SLC1A7: variants seen among roughly 807,000 people sequenced by gnomAD.
SLC1A7 encodes excitatory amino acid transporter 5.
A neutral mutation model predicts 47.7 loss-of-function variants in SLC1A7; 40 were observed. The ratio of observed to expected loss-of-function variants is 0.84; its 90% CI spans 0.65 to 1.09. The LOEUF is 1.09. Among genes scored for constraint, SLC1A7 ranks in the 50% least tolerant of loss-of-function variants. The pLI is 0.00. For synonymous variants in SLC1A7, 323 were observed against 325.6 expected (o/e 0.99, Z 0.09); for missense variants, 746 against 769.5 (o/e 0.97, Z 0.36).
intron 7 of SLC1A7, among the ~76,000 whole-genome samples, chr1:53,091,177 C>T (rs946209370): frequency 6.6e-6 from 1 of 152,262 alleles, no homozygotes; most frequent in Non-Finnish European, 1.5e-5. Flanking sequence ...TGTGCCTCAG[C>T]ATCTTTGTCC....
chr1:53,105,217 G>T (rs1051029013), intron 4 of SLC1A7, among the ~76,000 whole-genome samples: 1 of 152,092 alleles, frequency 6.6e-6, no homozygotes, highest in Non-Finnish European at 1.5e-5. Flanking sequence ...TATATTGTTT[G>T]GTATTTTCCT....
At chr1:53,114,647 A>G in intron 3 of SLC1A7, 111 bp downstream of exon 3, 1 of 887,214 alleles carries the variant, frequency 1.1e-6, no homozygotes, top group Non-Finnish European at 1.8e-6. Flanking sequence ...CAGGGTGATC[A>G]TGGACTCCGT....
chr1:53,099,822 A>G (rs995225038), intron 5 of SLC1A7, among the ~76,000 whole-genome samples: 21 of 151,408 alleles, frequency 1.4e-4, no homozygotes, highest in Admixed American at 6.6e-5. Flanking sequence ...CCACCTTGGT[A>G]CACTCACACA....
intron 8 of SLC1A7, chr1:53,090,156 A>G (rs1644404450): frequency 1.6e-6 from 1 of 613,032 alleles, no homozygotes; most frequent in African/African-American, 1.8e-5. Context: ...ATCCCTGGGA[A>G]CTGTGCAAAC....
chr1:53,110,888 C>G (rs1485527257), intron 3 of SLC1A7, among the ~76,000 whole-genome samples: 1 of 152,074 alleles, frequency 6.6e-6, no homozygotes, highest in Non-Finnish European at 1.5e-5. Context: ...CTCCCTGGAC[C>G]ATTCCAGTTC....
chr1:53,117,237 G>T (rs919841373), intron 2 of SLC1A7, among the ~76,000 whole-genome samples: 4 of 152,176 alleles, frequency 2.6e-5, no homozygotes, highest in African/African-American at 9.7e-5. Flanking sequence ...GATGTGGCCC[G>T]AGCTCAGGTA....
At chr1:53,142,187 C>T in intron 1 of SLC1A7, 128 bp downstream of exon 1, 1 of 1,071,278 alleles carries the variant, frequency 9.3e-7, no homozygotes, top group Non-Finnish European at 1.3e-6. Context: ...AACCAGGACC[C>T]AGAGAGGCAG....
intron 7 of SLC1A7, among the ~76,000 whole-genome samples, chr1:53,091,135 C>T (rs1482010044): frequency 3.3e-5 from 5 of 152,250 alleles, no homozygotes; most frequent in Admixed American, 3.3e-4. Context: ...TTCCAGCCTC[C>T]TGTCAAGTGG....
intron 3 of SLC1A7, among the ~76,000 whole-genome samples, chr1:53,110,652 C>T (rs1426178183): frequency 6.6e-6 from 1 of 151,938 alleles, no homozygotes; most frequent in African/African-American, 2.4e-5. Flanking sequence ...CGTTCTGAAT[C>T]ATAAGACCCA....
chr1:53,097,663 C>T (rs1237684507), intron 5 of SLC1A7, among the ~76,000 whole-genome samples: 1 of 149,672 alleles, frequency 6.7e-6, no homozygotes, highest in African/African-American at 2.5e-5. Context: ...CACATCCCAC[C>T]TCAGTACACT....
rs142683596 is a variant in SLC1A7, at chr1:53,107,653, AC to A, written c.432-1880del. ...TGGAGAGACTGCGTGACCAAGCACTACCATCCTAAATCTACTAAGAGCTTTT... is the reference window on the plus strand; with the variant it reads ...TGGAGAGACTGCGTGACCAAGCACTACATCCTAAATCTACTAAGAGCTTTT... On this transcript the variant is annotated intron_variant, in intron 3 of 10. Coordinates refer to ENST00000371494, the MANE Select transcript of SLC1A7 (RefSeq NM_006671.6). 3.5e-3 allele frequency among the ~76,000 whole-genome samples: 535 copies of A among 152,356 alleles called. 4 individuals carry two copies. Among genetic ancestry groups the A allele is most frequent in the African/African-American group, 0.012 (511 of 41,584 alleles).
At chr1:53,132,884 G>T (rs542161014) in intron 2 of SLC1A7, among the ~76,000 whole-genome samples, 167 of 152,324 alleles carry the variant, frequency 1.1e-3, no homozygotes, top group Admixed American at 2.7e-3. Flanking sequence ...AAACATCCAA[G>T]TGGAGATGTC....
intron 2 of SLC1A7, among the ~76,000 whole-genome samples, chr1:53,117,742 GC>G (rs758089494): frequency 9.2e-5 from 14 of 152,156 alleles, no homozygotes; most frequent in East Asian, 7.7e-4. Flanking sequence ...CCCTCAGAAG[GC>G]CCCCCACCGG....
rs1478705879 is a variant in SLC1A7 at position 53,142,580 on chromosome 1, G to A, written c.-131C>T. 6.8e-6 allele frequency: 7 copies of A among 1,034,114 alleles called. No homozygotes were observed. The highest frequency in any genetic ancestry group is 2.7e-5 in the East Asian group (1 of 37,292). 64.1% of individuals were successfully genotyped at this position (1,034,114 alleles called of 1,614,324 possible). A position where few individuals can be genotyped will look rare whatever the true frequency, so the allele number is the denominator to read the frequency against. Reference sequence around the variant, plus strand: ...TGGTCGGAGTTGCTAAACACCAGTCGCCAGCCCCACGGCCATGCCCGTGTG... The same window carrying A: ...TGGTCGGAGTTGCTAAACACCAGTCACCAGCCCCACGGCCATGCCCGTGTG... On this transcript the variant is annotated 5_prime_UTR_variant, in exon 1 of 11. Coordinates refer to ENST00000371494, the MANE Select transcript of SLC1A7 (RefSeq NM_006671.6).
Position 53,103,878 on chromosome 1 carries a change from A to G in SLC1A7, c.475-310T>C, listed in dbSNP as rs146560106. On this transcript the variant is annotated intron_variant, in intron 4 of 10. Coordinates refer to ENST00000371494, the MANE Select transcript of SLC1A7 (RefSeq NM_006671.6). Reference sequence around the variant, plus strand: ...GCCTGCCCAGCCCCTTATCCACCCAAGTAACCCTTTATCCACCCATCTGTC... The same window carrying G: ...GCCTGCCCAGCCCCTTATCCACCCAGGTAACCCTTTATCCACCCATCTGTC... 3.0e-4 allele frequency among the ~76,000 whole-genome samples: 46 copies of G among 151,954 alleles called. No homozygotes were observed. In the East Asian group the frequency reaches 8.2e-3, roughly 27 times the overall value.
chr1:53,094,795 T>TG (rs1190169203), intron 5 of SLC1A7, among the ~76,000 whole-genome samples: 2 of 152,230 alleles, frequency 1.3e-5, no homozygotes, highest in Non-Finnish European at 2.9e-5. Flanking sequence ...CATTTGGATT[T>TG]TCCCAGGGGC....
intron 1 of SLC1A7, among the ~76,000 whole-genome samples, chr1:53,136,560 T>TATATAATATATAATCATATATA (rs71044458): frequency 1.2e-5 from 1 of 80,508 alleles, no homozygotes; most frequent in African/African-American, 4.6e-5. Flanking sequence ...TATATAAACA[T>TATATAATATATAATCATATATA]ATATATAAAC....
At chr1:53,129,185 G>GAAAAAAA (rs66541424) in intron 2 of SLC1A7, among the ~76,000 whole-genome samples, 2 of 125,958 alleles carry the variant, frequency 1.6e-5, no homozygotes, top group East Asian at 2.4e-4. Context: ...TCTCAAAAAA[G>GAAAAAAA]AAAAAAAAAA....
At position 53,088,110 on chromosome 1, in the gene SLC1A7, G is replaced by T; in HGVS notation, c.1582C>A (p.Pro528Thr). 1 of 1,612,158 alleles carries T rather than the reference G, an allele frequency of 6.2e-7. No individual in the cohort carries two copies. ...TCCACTTGAACGGGGACGTGGTGGGGGCAGGTGGGGCCCAGGGTGAGCTCG... is the reference window on the plus strand; with the variant it reads ...TCCACTTGAACGGGGACGTGGTGGGTGCAGGTGGGGCCCAGGGTGAGCTCG... The part of the protein sequence containing the change: ...ASELTLGPTC[P>T]HHVPVQVEQD... The change falls in exon 11 of 11, where the codon CCC becomes ACC. Residue 528 changes from proline (P) to threonine (T), a missense_variant. Pro to Thr is a conservative substitution (Grantham distance 38). Coordinates refer to ENST00000371494, the MANE Select transcript of SLC1A7 (RefSeq NM_006671.6).
Sources: allele counts gnomAD v4.1 joint callset (sites outside exome capture counted in the v4.1 genomes callset), GRCh38; gene constraint gnomAD v4.1.1; transcripts MANE v1.5; gene names NCBI Gene and HGNC (gene_info 2026-07-23, HGNC 2026-07-21).